VPS13A: variants seen among roughly 807,000 people sequenced by gnomAD.
The protein encoded by VPS13A is vacuolar protein sorting 13 homolog A.
VPS13A carries 264 observed loss-of-function variants against 390.9 expected under a neutral mutation model. The observed-to-expected ratio is 0.68, with a 90% CI of 0.61 to 0.75. The LOEUF (loss-of-function observed/expected upper bound fraction) is 0.75, where lower values mean the gene tolerates loss of function less well. VPS13A is among the 30% of genes least tolerant of loss of function. VPS13A has a pLI of 0.00. For synonymous variants in VPS13A, 1,231 were observed against 1,227.1 expected, an observed-to-expected ratio of 1.00 and a Z score of -0.07; for missense variants, 3,409 against 3,733.9, an observed-to-expected ratio of 0.91 and a Z score of 2.27.
chr9:77,319,799 A>G, intron 42 of VPS13A, 126 bp downstream of exon 42: 1 of 541,588 alleles, frequency 1.8e-6, no homozygotes, highest in Non-Finnish European at 3.2e-6. Context: ...CCCGTATACC[A>G]CCTACTTCTG....
intron 59 of VPS13A, among the ~76,000 whole-genome samples, chr9:77,362,850 A>G (rs1275266275): frequency 6.6e-6 from 1 of 152,002 alleles, no homozygotes; most frequent in African/African-American, 2.4e-5. Context: ...ATTTATTCCT[A>G]TGTATTATAT....
intron 45 of VPS13A, among the ~76,000 whole-genome samples, chr9:77,330,038 A>G (rs1356122520): frequency 6.6e-6 from 1 of 152,112 alleles, no homozygotes; most frequent in Non-Finnish European, 1.5e-5. Context: ...GTAGTTTTTG[A>G]GACACAGGGT....
At chr9:77,415,886 C>CA in intron 71 of VPS13A, 70 bp from the exon 72 acceptor site, 2 of 1,563,732 alleles carry the variant, frequency 1.3e-6, no homozygotes, top group South Asian at 2.2e-5. Context: ...TCTAGATCTC[C>CA]ATTCATTACA....
At chr9:77,217,803 A>G (rs1170673232) in intron 10 of VPS13A, among the ~76,000 whole-genome samples, 3 of 150,250 alleles carry the variant, frequency 2.0e-5, no homozygotes, top group African/African-American at 4.9e-5. Flanking sequence ...TTTGGATAGA[A>G]TGGTTTCTTT....
chr9:77,280,162 A>G lies in VPS13A; in HGVS notation c.2828A>G (p.Glu943Gly), dbSNP rs1230875299. The G allele has an allele frequency of 6.2e-7, 1 of 1,606,888 alleles. No individual in the cohort carries two copies. Among genetic ancestry groups the G allele is most frequent in the Non-Finnish European group, 8.5e-7 (1 of 1,175,954 alleles). ...ATTTTTAAAAAATTATTTTTAGATG[A>G]AAACAAGAAACCAGTTTATTTGGTT... ...FCLKCPEYLD[E>G]NKKPVYLVTT... The change falls in exon 27 of 72, where the codon GAA becomes GGA. Residue 943 changes from glutamate to glycine, a missense_variant. Around this residue, in one of 5 missense-constraint regions of VPS13A, gnomAD observed 2,717 missense variants for 2,917.4 expected, o/e 0.93. Transcript: ENST00000360280.
chr9:77,321,952 CTCTT>C (rs1254991065), intron 44 of VPS13A, among the ~76,000 whole-genome samples: 4 of 151,864 alleles, frequency 2.6e-5, no homozygotes, highest in Non-Finnish European at 5.9e-5. Context: ...GTATTCCAAA[CTCTT>C]TCTTTATCCT....
chr9:77,357,399 C>G (rs567322567), intron 55 of VPS13A, among the ~76,000 whole-genome samples: 1 of 145,568 alleles, frequency 6.9e-6, no homozygotes, highest in African/African-American at 2.5e-5. Flanking sequence ...TTTGGGTTAG[C>G]AGGAAACTTA....
At chr9:77,380,679 G>A (rs756763228) in intron 67 of VPS13A, among the ~76,000 whole-genome samples, 2 of 152,110 alleles carry the variant, frequency 1.3e-5, no homozygotes, top group African/African-American at 2.4e-5. Context: ...TTATGTTAGC[G>A]GTCCCCAGCC....
intron 1 of VPS13A, among the ~76,000 whole-genome samples, chr9:77,194,194 T>C (rs1189977022): frequency 6.6e-6 from 1 of 152,068 alleles, no homozygotes; most frequent in Admixed American, 6.5e-5. Flanking sequence ...CGTGGGTGGA[T>C]GCTGGTGGAG....
chr9:77,238,530 CTTT>C, intron 19 of VPS13A, 144 bp downstream of exon 19: 1 of 726,634 alleles, frequency 1.4e-6, no homozygotes, highest in Non-Finnish European at 2.4e-6. Context: ...TAATTTAGTA[CTTT>C]TATGTTTAAA....
At chr9:77,247,011 A>G (rs994444467) in intron 19 of VPS13A, among the ~76,000 whole-genome samples, 3 of 152,034 alleles carry the variant, frequency 2.0e-5, no homozygotes, top group Admixed American at 2.0e-4. Flanking sequence ...TTTTACCCAA[A>G]TTGAGTTTAT....
At chr9:77,250,357 A>G in intron 21 of VPS13A, 128 bp downstream of exon 21, 2 of 1,165,406 alleles carry the variant, frequency 1.7e-6, no homozygotes, top group Non-Finnish European at 2.5e-6. Flanking sequence ...AATGATAGTA[A>G]ATATTGTCTA....
chr9:77,347,148 G>A (rs764360874), intron 52 of VPS13A, among the ~76,000 whole-genome samples: 5 of 152,078 alleles, frequency 3.3e-5, no homozygotes, highest in Non-Finnish European at 5.9e-5. Flanking sequence ...TTTTTGCTTA[G>A]TATTGCTTTG....
intron 20 of VPS13A, among the ~76,000 whole-genome samples, chr9:77,247,962 A>G (rs1386536028): frequency 6.6e-6 from 1 of 150,572 alleles, no homozygotes; most frequent in African/African-American, 2.4e-5. Context: ...CCTGGCCCGA[A>G]TCTAAGATTT....
At chr9:77,400,817 G>A (rs1247445494) in intron 68 of VPS13A, among the ~76,000 whole-genome samples, 5 of 127,520 alleles carry the variant, frequency 3.9e-5, no homozygotes, top group African/African-American at 1.2e-4. Context: ...AACAGAGCGA[G>A]ACTCTGTCTG....
At chr9:77,383,532 G>A (rs1230339833) in intron 68 of VPS13A, among the ~76,000 whole-genome samples, 2 of 152,108 alleles carry the variant, frequency 1.3e-5, no homozygotes, top group East Asian at 3.9e-4. Flanking sequence ...ATCAAATATA[G>A]TACGAAGTAA....
chr9:77,295,514 T>G (rs1212060380), intron 32 of VPS13A, 28 bp from the exon 33 acceptor site: 1 of 1,558,688 alleles, frequency 6.4e-7, no homozygotes, highest in East Asian at 2.3e-5. Context: ...ATTAATAACC[T>G]TAAGAATATA....
chr9:77,285,742 G>T (rs1232857943), intron 31 of VPS13A, among the ~76,000 whole-genome samples: 2 of 152,126 alleles, frequency 1.3e-5, no homozygotes, highest in East Asian at 3.9e-4. Flanking sequence ...TATTTTTTGT[G>T]TATAGTTGAG....
chr9:77,322,639 A>T (rs929252635), intron 44 of VPS13A, among the ~76,000 whole-genome samples: 4 of 151,992 alleles, frequency 2.6e-5, no homozygotes, highest in African/African-American at 9.7e-5. Context: ...AATATATATA[A>T]AATTTTATTT....
Sources: allele counts gnomAD v4.1 joint callset (sites outside exome capture counted in the v4.1 genomes callset), GRCh38; gene constraint gnomAD v4.1.1; regional missense constraint gnomAD v4.1.1; transcripts MANE v1.5; gene names NCBI Gene and HGNC (gene_info 2026-07-23, HGNC 2026-07-21).